The following CDC45 variants were observed in gnomAD, a reference collection of about 807,000 sequenced individuals.
CDC45 encodes cell division cycle 45, also known as cell division control protein 45 homolog.
A neutral mutation model predicts 77.8 loss-of-function variants in CDC45; 54 were observed. The observed-to-expected ratio is 0.69, with a 90% CI of 0.56 to 0.87. The LOEUF (loss-of-function observed/expected upper bound fraction) is 0.87, where lower values mean the gene tolerates loss of function less well. CDC45 is among the 40% of genes least tolerant of loss of function. The pLI is 0.00. For synonymous variants in CDC45, 260 were observed against 272.1 expected (o/e 0.96, Z 0.44); for missense variants, 649 against 721.6 (o/e 0.90, Z 1.15).
intron 8 of CDC45, 58 bp downstream of exon 8, chr22:19,497,505 T>C (rs1174674702): frequency 1.4e-6 from 2 of 1,415,414 alleles, no homozygotes; most frequent in Non-Finnish European, 2.0e-6. Context: ...CAGTGCCACA[T>C]AAGCAGCTCT....
chr22:19,493,690 C>T (rs373625286), intron 5 of CDC45, among the ~76,000 whole-genome samples: 7 of 152,294 alleles, frequency 4.6e-5, no homozygotes, highest in South Asian at 2.1e-4. Context: ...GTGATCCGCC[C>T]GCCTGTCTCC....
At chr22:19,505,509 A>G in intron 10 of CDC45, 28 bp downstream of exon 10, 2 of 1,612,500 alleles carry the variant, frequency 1.2e-6, no homozygotes, top group Non-Finnish European at 1.7e-6. Flanking sequence ...CCTGAGGGGC[A>G]CAGGCAGCAC....
At chr22:19,514,024 G>A (rs1933650478) in intron 13 of CDC45, among the ~76,000 whole-genome samples, 1 of 152,166 alleles carries the variant, frequency 6.6e-6, no homozygotes, top group Non-Finnish European at 1.5e-5. Flanking sequence ...ATAGCATCCT[G>A]TTCTTGGTTT....
chr22:19,490,719 A>G (rs2146355064), intron 5 of CDC45, among the ~76,000 whole-genome samples: 1 of 151,800 alleles, frequency 6.6e-6, no homozygotes, highest in African/African-American at 2.4e-5. Context: ...ATCTCCTTGT[A>G]TAGATTTTTT....
Position 19,505,305 on chromosome 22 carries a change from G to A in CDC45, c.705-57G>A. ...GAGCGGGAATGGAGCCTAGGCTTAG[G>A]CTGCCTGGTAAGAGCTGGAGGGAAC... On this transcript the variant is annotated intron_variant, in intron 9 of 18. Coordinates refer to ENST00000263201, the MANE Select transcript of CDC45 (RefSeq NM_003504.5). 3 of 1,612,066 alleles carry A rather than the reference G, an allele frequency of 1.9e-6. No homozygotes were observed. The South Asian group carries it at 3.3e-5, about 18-fold the overall frequency.
intron 10 of CDC45, among the ~76,000 whole-genome samples, chr22:19,506,900 C>G (rs981093946): frequency 2.0e-5 from 3 of 151,634 alleles, no homozygotes; most frequent in African/African-American, 7.3e-5. Context: ...TGCCACTGCA[C>G]TCCAGCCTGG....
At chr22:19,479,744 GA>G (rs2089941399), upstream of CDC45, 1 of 655,292 alleles carries the variant, frequency 1.5e-6, no homozygotes, top group Admixed American at 2.4e-5. Context: ...CCTCAGAGGT[GA>G]CGCTTCTTTG....
At chr22:19,498,928 T>C (rs1335909401) in intron 8 of CDC45, among the ~76,000 whole-genome samples, 173 bp from the exon 9 acceptor site, 1 of 152,176 alleles carries the variant, frequency 6.6e-6, no homozygotes, top group Non-Finnish European at 1.5e-5. Flanking sequence ...TTCTAACCTC[T>C]TCACCTCAAG....
intron 8 of CDC45, 62 bp downstream of exon 8, chr22:19,497,509 C>T: frequency 7.4e-7 from 1 of 1,357,408 alleles, no homozygotes. Context: ...GCCACATAAG[C>T]AGCTCTGTCC....
chr22:19,506,029 G>T (rs1431305046), intron 10 of CDC45, among the ~76,000 whole-genome samples: 1 of 152,160 alleles, frequency 6.6e-6, no homozygotes, highest in Non-Finnish European at 1.5e-5. Context: ...CAGAGTTTGA[G>T]TCAGGGTTTT....
chr22:19,510,778 C>T (rs143338547), intron 13 of CDC45, among the ~76,000 whole-genome samples: 1,538 of 152,296 alleles, frequency 0.01, 6 homozygotes, highest in Non-Finnish European at 0.015. Context: ...CCACCTGCCT[C>T]GGCCTCCCAA....
intron 13 of CDC45, among the ~76,000 whole-genome samples, chr22:19,510,895 T>G (rs1222353649): frequency 6.6e-6 from 1 of 152,244 alleles, no homozygotes; most frequent in Non-Finnish European, 1.5e-5. Flanking sequence ...CATTCATAAG[T>G]TGATGGGCAT....
intron 5 of CDC45, among the ~76,000 whole-genome samples, chr22:19,489,045 GCA>G (rs1376951072): frequency 6.6e-6 from 1 of 152,066 alleles, no homozygotes; most frequent in Non-Finnish European, 1.5e-5. Flanking sequence ...GTGTGGTGGT[GCA>G]CACCTATGGT....
intron 9 of CDC45, among the ~76,000 whole-genome samples, chr22:19,501,317 T>A (rs1006916295): frequency 6.6e-6 from 1 of 152,176 alleles, no homozygotes; most frequent in Non-Finnish European, 1.5e-5. Context: ...GCCACTGGGC[T>A]CCATTGAAAT....
At chr22:19,485,301 T>G (rs1034591231) in intron 5 of CDC45, among the ~76,000 whole-genome samples, 6 of 152,228 alleles carry the variant, frequency 3.9e-5, no homozygotes, top group Admixed American at 3.9e-4. Context: ...CAGGTACCAG[T>G]TAGGCCCTGG....
At chr22:19,490,036 C>T (rs2090131069) in intron 5 of CDC45, among the ~76,000 whole-genome samples, 2 of 152,202 alleles carry the variant, frequency 1.3e-5, no homozygotes, top group Admixed American at 1.3e-4. Flanking sequence ...CCCACTCTGT[C>T]TCTGGTAATT....
chr22:19,486,049 TCTCA>T lies in CDC45; in HGVS notation c.486+2048_486+2051del, dbSNP rs68083844. ...TATTTTGTTTTTTCTTGAGATGGAG[TCTCA>T]CTCTGTCACTGAGGCTGGGGTGCAG... On this transcript the variant is annotated intron_variant, in intron 5 of 18. Transcript: ENST00000263201. 7.3e-3 allele frequency among the ~76,000 whole-genome samples: 1,112 copies of T among 152,332 alleles called. 5 individuals carry two copies. Among genetic ancestry groups the T allele is most frequent in the Admixed American group, 0.013 (194 of 15,298 alleles).
intron 7 of CDC45, 80 bp downstream of exon 7, chr22:19,496,109 A>AT (rs764493642): frequency 4.1e-6 from 4 of 981,508 alleles, no homozygotes; most frequent in African/African-American, 3.3e-5. Context: ...AGAAACGTAG[A>AT]TTTTAGAGCC....
intron 10 of CDC45, 110 bp from the exon 11 acceptor site, chr22:19,507,276 G>A: frequency 1.5e-6 from 2 of 1,344,972 alleles, no homozygotes; most frequent in Non-Finnish European, 2.1e-6. Context: ...GGTTTTGCAG[G>A]CAGGCCTGGT....
Sources: allele counts gnomAD v4.1 joint callset (sites outside exome capture counted in the v4.1 genomes callset), GRCh38; gene constraint gnomAD v4.1.1; transcripts MANE v1.5; gene names NCBI Gene and HGNC (gene_info 2026-07-23, HGNC 2026-07-21).